MAF: variants seen among roughly 807,000 people sequenced by gnomAD.
MAF encodes transcription factor Maf.
In MAF, 10 loss-of-function variants were observed where a neutral mutation model predicts 22.0. The ratio of observed to expected loss-of-function variants is 0.45; its 90% CI spans 0.28 to 0.77. The LOEUF (loss-of-function observed/expected upper bound fraction) is 0.77, where lower values mean the gene tolerates loss of function less well. Ranked by LOEUF, MAF falls within the 30% of genes least tolerant of loss-of-function variation. The pLI is 0.12. For synonymous variants in MAF, 337 were observed against 255.8 expected, an observed-to-expected ratio of 1.32 and a Z score of -3.03; for missense variants, 544 against 548.4, an observed-to-expected ratio of 0.99 and a Z score of 0.08.
chr16:79,378,243 A>G, the MAF span, among the ~76,000 whole-genome samples: 1 of 152,234 alleles, frequency 6.6e-6, no homozygotes, highest in Admixed American at 6.5e-5. Context: ...GGAAAAGTCC[A>G]TCAAGCGTAC....
At chr16:79,570,612 G>A in the MAF span, among the ~76,000 whole-genome samples, 34 of 152,278 alleles carry the variant, frequency 2.2e-4, no homozygotes, top group Admixed American at 7.2e-4. Flanking sequence ...ATGGTGTGCC[G>A]CTAGGTGTTT....
At chr16:79,231,552 A>G in the MAF span, among the ~76,000 whole-genome samples, 1 of 152,064 alleles carries the variant, frequency 6.6e-6, no homozygotes, top group Admixed American at 6.6e-5. Context: ...TCACCTGTCT[A>G]GTTATCAGGT....
chr16:79,528,244 C>T, the MAF span, among the ~76,000 whole-genome samples: 13,917 of 152,228 alleles, frequency 0.091, 821 homozygotes, highest in South Asian at 0.15. Flanking sequence ...CCATGTCTAA[C>T]TCCAAGGTGC....
chr16:79,254,721 C>G, the MAF span, among the ~76,000 whole-genome samples: 2 of 152,156 alleles, frequency 1.3e-5, no homozygotes, highest in African/African-American at 4.8e-5. Flanking sequence ...AAACTCTCCA[C>G]TCAGTTTGTC....
At chr16:79,439,804 G>T in the MAF span, among the ~76,000 whole-genome samples, 2 of 152,202 alleles carry the variant, frequency 1.3e-5, no homozygotes, top group East Asian at 3.8e-4. Context: ...GAGATGCCCA[G>T]CAGTCACGGG....
At chr16:79,425,098 G>GA in the MAF span, among the ~76,000 whole-genome samples, 8 of 152,052 alleles carry the variant, frequency 5.3e-5, no homozygotes, top group Non-Finnish European at 1.2e-4. Flanking sequence ...ACCCAAAGAT[G>GA]ATGAATACTT....
chr16:79,496,230 A>C, the MAF span, among the ~76,000 whole-genome samples: 1 of 152,240 alleles, frequency 6.6e-6, no homozygotes. Context: ...TTTAAAAAAA[A>C]TAGAGCAAAG....
At chr16:79,554,322 C>T in the MAF span, among the ~76,000 whole-genome samples, 1 of 152,138 alleles carries the variant, frequency 6.6e-6, no homozygotes, top group African/African-American at 2.4e-5. Context: ...TTGAGGGTTC[C>T]ATATCCATGT....
chr16:79,487,421 C>A, the MAF span, among the ~76,000 whole-genome samples: 1 of 151,768 alleles, frequency 6.6e-6, no homozygotes, highest in Non-Finnish European at 1.5e-5. Flanking sequence ...AATTCGTGGG[C>A]CTATCATGCA....
the MAF span, among the ~76,000 whole-genome samples, chr16:79,217,638 G>A: frequency 6.6e-6 from 1 of 152,126 alleles, no homozygotes; most frequent in African/African-American, 2.4e-5. Context: ...CACCCAAACA[G>A]GAAGAGTAGG....
At chr16:79,412,155 G>A in the MAF span, among the ~76,000 whole-genome samples, 2 of 152,148 alleles carry the variant, frequency 1.3e-5, no homozygotes, top group Admixed American at 6.5e-5. Flanking sequence ...TGTGACTGGG[G>A]GTAATTTAGA....
chr16:79,305,935 A>G, the MAF span, among the ~76,000 whole-genome samples: 25 of 152,304 alleles, frequency 1.6e-4, 1 homozygote, highest in African/African-American at 5.3e-4. Flanking sequence ...CCTGGCTTGT[A>G]TTAGACCCTG....
chr16:79,212,113 T>G, the MAF span: 3 of 1,535,636 alleles, frequency 2.0e-6, no homozygotes, highest in African/African-American at 2.7e-5. Flanking sequence ...TCTCTTTCTT[T>G]TACTGTTATA....
At chr16:79,424,165 C>T in the MAF span, among the ~76,000 whole-genome samples, 1 of 152,150 alleles carries the variant, frequency 6.6e-6, no homozygotes, top group South Asian at 2.1e-4. Flanking sequence ...GTTGCAAGAG[C>T]TGGTCTTGGA....
chr16:79,436,870 C>T, the MAF span, among the ~76,000 whole-genome samples: 6 of 152,212 alleles, frequency 3.9e-5, no homozygotes, highest in Non-Finnish European at 5.9e-5. Flanking sequence ...ACAGGCTCGA[C>T]GCTGCAACAC....
chr16:79,411,672 A>T, the MAF span, among the ~76,000 whole-genome samples: 3 of 152,180 alleles, frequency 2.0e-5, no homozygotes, highest in African/African-American at 7.2e-5. Context: ...GCCAACTCCA[A>T]CTACTATCTT....
the MAF span, among the ~76,000 whole-genome samples, chr16:79,497,862 C>G: frequency 7.2e-5 from 11 of 152,320 alleles, no homozygotes; most frequent in African/African-American, 2.6e-4. Context: ...TCCTGCAATG[C>G]CTTGCTCACC....
At chr16:79,288,317 G>C in the MAF span, among the ~76,000 whole-genome samples, 1 of 152,162 alleles carries the variant, frequency 6.6e-6, no homozygotes, top group Non-Finnish European at 1.5e-5. Flanking sequence ...TTTCAAGGCA[G>C]TTTCTATTTC....
chr16:79,526,647 AAAAAC>A, the MAF span, among the ~76,000 whole-genome samples: 2 of 152,208 alleles, frequency 1.3e-5, no homozygotes, highest in Non-Finnish European at 2.9e-5. Flanking sequence ...TTCCGGGGCA[AAAAAC>A]AAAACAAAAC....
Sources: gnomAD v4.1 joint callset for allele counts (sites outside exome capture counted in the v4.1 genomes callset) on GRCh38, gnomAD v4.1.1 for gene constraint, MANE v1.5 for transcripts, NCBI Gene and HGNC (gene_info 2026-07-23, HGNC 2026-07-21) for gene names.